PZP: variants seen among roughly 807,000 people sequenced by gnomAD.
PZP encodes PZP alpha-2-macroglobulin like, also known as pregnancy zone protein.
In PZP, 150 loss-of-function variants were observed where a neutral mutation model predicts 179.8. The observed-to-expected ratio is 0.83, with a 90% CI of 0.73 to 0.96. The LOEUF (loss-of-function observed/expected upper bound fraction) is 0.96. Among genes scored for constraint, PZP ranks in the 40% least tolerant of loss-of-function variants. The pLI, the probability that PZP is intolerant of heterozygous loss-of-function variation, is 0.00. For missense variants in PZP, 1,689 were observed against 1,764.0 expected (o/e 0.96, Z 0.76); for synonymous variants, 624 against 652.3 (o/e 0.96, Z 0.66).
At chr12:9,148,508 A>G (rs1020891936), downstream of PZP, among the ~76,000 whole-genome samples, 5 of 152,008 alleles carry the variant, frequency 3.3e-5, no homozygotes, top group African/African-American at 9.7e-5. Flanking sequence ...ATGCACTTTA[A>G]TTATCAATTC....
chr12:9,199,130 A>T (rs897013738), intron 7 of PZP, among the ~76,000 whole-genome samples: 1 of 152,088 alleles, frequency 6.6e-6, no homozygotes, highest in Non-Finnish European at 1.5e-5. Flanking sequence ...CCTAGTGAAA[A>T]CAGTAAGTTC....
At chr12:9,166,870 A>G (rs761660831) in intron 17 of PZP, 1 of 152,302 alleles carries the variant, frequency 6.6e-6, no homozygotes, top group South Asian at 2.1e-4. Context: ...CATGAAAGCA[A>G]TTTTGTCCAC....
chr12:9,152,615 C>G (rs939721654), intron 31 of PZP, among the ~76,000 whole-genome samples: 4 of 152,198 alleles, frequency 2.6e-5, no homozygotes, highest in African/African-American at 9.7e-5. Flanking sequence ...CCTCACTATA[C>G]AGTTCATTTG....
At chr12:9,169,121 T>C in intron 16 of PZP, 147 bp from the exon 17 acceptor site, 1 of 611,994 alleles carries the variant, frequency 1.6e-6, no homozygotes, top group Non-Finnish European at 2.8e-6. Flanking sequence ...AGTAGTGAAA[T>C]TACTAAACTT....
At chr12:9,190,990 T>C (rs11049351) in intron 13 of PZP, among the ~76,000 whole-genome samples, 1 of 151,944 alleles carries the variant, frequency 6.6e-6, no homozygotes, top group African/African-American at 2.4e-5. Context: ...TATTAAAATA[T>C]GTGGTTAAAA....
chr12:9,180,824 T>A (rs900429525), intron 15 of PZP, among the ~76,000 whole-genome samples, 159 bp downstream of exon 15: 2 of 152,124 alleles, frequency 1.3e-5, no homozygotes, highest in East Asian at 3.9e-4. Context: ...CTAAAGAGCT[T>A]CTGCACAGCA....
At chr12:9,149,852 A>G (rs1372345521) in intron 34 of PZP, among the ~76,000 whole-genome samples, 1 of 152,212 alleles carries the variant, frequency 6.6e-6, no homozygotes, top group African/African-American at 2.4e-5. Context: ...GAAGATGATC[A>G]TAATTGCACT....
intron 2 of PZP, 103 bp downstream of exon 2, chr12:9,203,665 A>G: frequency 1.5e-6 from 2 of 1,379,212 alleles, no homozygotes; most frequent in East Asian, 2.3e-5. Flanking sequence ...TACATTCTTA[A>G]AGTCATACCT....
At chr12:9,206,470 T>C (rs1944445703) in intron 1 of PZP, among the ~76,000 whole-genome samples, 1 of 152,228 alleles carries the variant, frequency 6.6e-6, no homozygotes, top group East Asian at 1.9e-4. Context: ...TGTTTTAATA[T>C]ATGTTTACTC....
At position 9,197,123 on chromosome 12, in the gene PZP, T is replaced by C. The variant is rs755317102; in HGVS notation, c.756A>G (p.Glu252=). 56 of 1,590,110 alleles carry C rather than the reference T, an allele frequency of 3.5e-5. No individual in the cohort carries two copies. Among genetic ancestry groups the C allele is most frequent in the Non-Finnish European group, 4.7e-5 (54 of 1,159,216 alleles). ...DEKVNITVCG[E]YTYGKPVPGL... is the part of the protein sequence containing the mutation. ...CTGGGACAGGCTTCCCATAAGTGTA[T>C]CTGGTACATGAGAAATAAATCAGGA... is the stretch of plus-strand genomic sequence containing the variant. Residue 252 remains glutamate, a splice_region_variant and synonymous_variant, in exon 8 of 36, where the codon GAA becomes GAG. Coordinates refer to ENST00000261336, the MANE Select transcript of PZP (RefSeq NM_002864.3).
intron 2 of PZP, 23 bp from the exon 3 acceptor site, chr12:9,202,707 C>T (rs779457758): frequency 6.2e-7 from 1 of 1,608,500 alleles, no homozygotes; most frequent in African/African-American, 1.3e-5. Flanking sequence ...GGATTTTTTA[C>T]TACTGAGGAA....
intron 15 of PZP, among the ~76,000 whole-genome samples, chr12:9,174,513 G>A (rs1303084371): frequency 3.9e-5 from 6 of 152,162 alleles, no homozygotes; most frequent in Non-Finnish European, 7.4e-5. Context: ...ATTCGAATAG[G>A]AAGAGAGAAA....
At chr12:9,185,476 G>A (rs1943040802) in intron 13 of PZP, among the ~76,000 whole-genome samples, 1 of 152,178 alleles carries the variant, frequency 6.6e-6, no homozygotes, top group South Asian at 2.1e-4. Flanking sequence ...ATCCTTGAAA[G>A]AGATGAGCAT....
chr12:9,168,430 CT>C (rs1376209676), intron 17 of PZP: 5 of 156,458 alleles, frequency 3.2e-5, no homozygotes, highest in East Asian at 1.9e-4. Context: ...TTGAAAAAGG[CT>C]GCTGTATTTG....
the PZP span, among the ~76,000 whole-genome samples, chr12:9,139,569 T>G: frequency 6.6e-6 from 1 of 152,226 alleles, no homozygotes; most frequent in South Asian, 2.1e-4. Flanking sequence ...TATTTCTCTT[T>G]TCTGTTTTTC....
At chr12:9,207,808 A>G (rs754681489) in intron 1 of PZP, among the ~76,000 whole-genome samples, 29 of 152,208 alleles carry the variant, frequency 1.9e-4, no homozygotes, top group Non-Finnish European at 3.8e-4. Flanking sequence ...GGATAGGGTT[A>G]AAATTATTTT....
Position 9,194,109 on chromosome 12 carries a change from T to A in PZP, c.1222A>T (p.Thr408Ser), listed in dbSNP as rs775569628. The A allele has an allele frequency of 2.5e-6, 4 of 1,613,950 alleles. No individual in the cohort carries two copies. In the South Asian group the frequency reaches 4.4e-5, roughly 18 times the overall value. The change falls in exon 11 of 36, where the codon ACC (threonine) becomes TCC (serine). Residue 408 changes from threonine (T) to serine (S), a missense_variant. Around this residue, in one of 3 missense-constraint regions of PZP, gnomAD observed 742 missense variants for 730.5 expected, o/e 1.02. Transcript: ENST00000261336. ...QGLAQFSINTTSISVNKLFVR... is the reference protein window; with the variant it reads ...QGLAQFSINTSSISVNKLFVR... ...AAAAGTTTATTAACCGAGATACTGG[T>A]AGTATTGATTGAAAACTGTGCAAGA...
At chr12:9,201,886 T>A (rs1944180430) in intron 4 of PZP, among the ~76,000 whole-genome samples, 1 of 152,060 alleles carries the variant, frequency 6.6e-6, no homozygotes, top group Admixed American at 6.6e-5. Flanking sequence ...CATAAAAAAG[T>A]CTTTGTGTAT....
chr12:9,197,383 TATA>T (rs1227595059), intron 7 of PZP, among the ~76,000 whole-genome samples: 3 of 142,048 alleles, frequency 2.1e-5, no homozygotes, highest in Non-Finnish European at 4.5e-5. Context: ...ATATTTAATA[TATA>T]ATATTATAAT....
Sources: allele counts gnomAD v4.1 joint callset (sites outside exome capture counted in the v4.1 genomes callset), GRCh38; gene constraint gnomAD v4.1.1; regional missense constraint gnomAD v4.1.1; transcripts MANE v1.5; gene names NCBI Gene and HGNC (gene_info 2026-07-23, HGNC 2026-07-21).